The following TMT1B variants were observed in gnomAD, a reference collection of about 807,000 sequenced individuals.
TMT1B encodes thiol methyltransferase 1B.
chr12:55,682,257 G>A, the TMT1B span: 6 of 1,606,396 alleles, frequency 3.7e-6, no homozygotes, highest in Non-Finnish European at 5.1e-6. Context: ...AGACCGGTAA[G>A]CAGGGTGGGA....
chr12:55,682,117 G>T, the TMT1B span: 5 of 1,614,164 alleles, frequency 3.1e-6, no homozygotes, highest in Non-Finnish European at 3.4e-6. Flanking sequence ...AATATGAGCG[G>T]TTTGTGGTGG....
chr12:55,683,985 G>C, the TMT1B span: 14 of 1,614,014 alleles, frequency 8.7e-6, no homozygotes, highest in Admixed American at 3.3e-5. Flanking sequence ...CAAATGGAAC[G>C]ACAGCCCCCT....
chr12:55,683,649 C>T, the TMT1B span, among the ~76,000 whole-genome samples: 1 of 152,088 alleles, frequency 6.6e-6, no homozygotes, highest in Admixed American at 6.5e-5. Flanking sequence ...ACTTTGAAGG[C>T]GGTAGCAGGG....
At chr12:55,683,442 C>T in the TMT1B span, among the ~76,000 whole-genome samples, 196 of 152,216 alleles carry the variant, frequency 1.3e-3, no homozygotes, top group African/African-American at 4.4e-3. Flanking sequence ...TTGCAGTGCG[C>T]CGAGATCACG....
chr12:55,684,007 G>A, the TMT1B span: 1 of 1,613,748 alleles, frequency 6.2e-7, no homozygotes, highest in Non-Finnish European at 8.5e-7. Context: ...CCTTGAAGTG[G>A]CTACCTGTTG....
the TMT1B span, chr12:55,684,062 T>G: frequency 2.5e-6 from 4 of 1,610,602 alleles, no homozygotes; most frequent in Non-Finnish European, 3.4e-6. Context: ...TTTCCCAAGC[T>G]CCAAGGCACT....
chr12:55,682,038 C>A, the TMT1B span: 1 of 1,614,150 alleles, frequency 6.2e-7, no homozygotes, highest in Non-Finnish European at 8.5e-7. Flanking sequence ...TGCAGGGTCA[C>A]CTGCCTAGAC....
At chr12:55,683,359 G>A in the TMT1B span, among the ~76,000 whole-genome samples, 2 of 152,310 alleles carry the variant, frequency 1.3e-5, no homozygotes, top group South Asian at 4.1e-4. Context: ...GCCGGGCGTG[G>A]TGGCTCATGC....
At chr12:55,684,045 A>G in the TMT1B span, 2 of 1,612,876 alleles carry the variant, frequency 1.2e-6, no homozygotes, top group Admixed American at 1.7e-5. Flanking sequence ...AAGGCTGTCA[A>G]ATAATCTTTC....
the TMT1B span, chr12:55,682,054 T>A: frequency 6.2e-7 from 1 of 1,614,086 alleles, no homozygotes; most frequent in Non-Finnish European, 8.5e-7. Flanking sequence ...TAGACCCAAA[T>A]CCCCACTTTG....
At chr12:55,683,687 G>A in the TMT1B span, 1 of 932,050 alleles carries the variant, frequency 1.1e-6, no homozygotes, top group Non-Finnish European at 1.7e-6. Flanking sequence ...GGGCACGACA[G>A]TTTGCTCCAT....
chr12:55,683,935 G>A, the TMT1B span: 2 of 1,614,144 alleles, frequency 1.2e-6, no homozygotes, highest in East Asian at 2.2e-5. Context: ...TCACCAGAGA[G>A]ACCTGGAAGG....
chr12:55,681,976 A>G, the TMT1B span: 9 of 1,614,100 alleles, frequency 5.6e-6, no homozygotes, highest in South Asian at 7.7e-5. Flanking sequence ...AAGTGGCCCT[A>G]CTGGAGCTGG....
the TMT1B span, chr12:55,682,030 C>T: frequency 6.2e-7 from 1 of 1,614,254 alleles, no homozygotes; most frequent in South Asian, 1.1e-5. Flanking sequence ...CACCGGGCTG[C>T]AGGGTCACCT....
At chr12:55,684,187 CCT>C in the TMT1B span, 4 of 756,960 alleles carry the variant, frequency 5.3e-6, no homozygotes, top group South Asian at 1.7e-5. Flanking sequence ...CCTACTAGTC[CCT>C]CTCTCCCCAA....
the TMT1B span, chr12:55,681,862 C>T: frequency 8.8e-6 from 14 of 1,595,692 alleles, no homozygotes; most frequent in Admixed American, 3.5e-5. Flanking sequence ...AAAGCTACTT[C>T]CCCTACCTGA....
At chr12:55,682,131 C>A in the TMT1B span, 10,214 of 1,614,050 alleles carry the variant, frequency 6.3e-3, 494 homozygotes, top group African/African-American at 0.11. Context: ...GTGGTGGCTC[C>A]TGGAGAGGAC....
the TMT1B span, among the ~76,000 whole-genome samples, chr12:55,683,557 TC>T: frequency 6.6e-6 from 1 of 152,128 alleles, no homozygotes; most frequent in African/African-American, 2.4e-5. Context: ...AGTTTCCCCT[TC>T]TGCATGCCCT....
At chr12:55,683,339 A>G in the TMT1B span, among the ~76,000 whole-genome samples, 1 of 152,158 alleles carries the variant, frequency 6.6e-6, no homozygotes, top group African/African-American at 2.4e-5. Flanking sequence ...ACTGAAAAAT[A>G]CAAAAAGTAG....
Sources: allele counts gnomAD v4.1 joint callset (sites outside exome capture counted in the v4.1 genomes callset), GRCh38; gene constraint gnomAD v4.1.1; transcripts MANE v1.5; gene names NCBI Gene and HGNC (gene_info 2026-07-23, HGNC 2026-07-21).